The following EYA4 variants were observed in gnomAD, a reference collection of about 807,000 sequenced individuals.
EYA4 encodes EYA transcriptional coactivator and phosphatase 4, also known as protein phosphatase EYA4.
Under a neutral mutation model 87.9 loss-of-function variants are expected in EYA4, and 31 were observed. That is an observed-to-expected ratio of 0.35 (90% confidence interval 0.27 to 0.48). The LOEUF (loss-of-function observed/expected upper bound fraction) is 0.48, where lower values mean the gene tolerates loss of function less well. Among genes scored for constraint, EYA4 ranks in the 20% least tolerant of loss-of-function variants. The pLI, the probability that EYA4 is intolerant of heterozygous loss-of-function variation, is 0.99. For synonymous variants in EYA4, 263 were observed against 270.6 expected (o/e 0.97, Z 0.28); for missense variants, 678 against 761.4 (o/e 0.89, Z 1.29).
At chr6:133,244,812 G>A (rs935922699) in intron 1 of EYA4, among the ~76,000 whole-genome samples, 1 of 151,998 alleles carries the variant, frequency 6.6e-6, no homozygotes, top group African/African-American at 2.4e-5. Context: ...TATATGGCTT[G>A]ATATTTCATT....
Position 133,244,680 on chromosome 6 carries a change from T to A in EYA4, c.-66+2931T>A, listed in dbSNP as rs547183920. Among the ~76,000 whole-genome samples the A allele has an allele frequency of 3.3e-5, 5 of 151,928 alleles. No homozygotes were observed. The South Asian group carries it at 1.0e-3, about 32-fold the overall frequency. On this transcript the variant is annotated intron_variant, in intron 1 of 19. Coordinates refer to ENST00000355286, the MANE Select transcript of EYA4 (RefSeq NM_004100.5). ...CCATTTCTAAGAGTTTCCTTTTTAT[T>A]TATGTTGTACTTTGGGGTGTAAATA...
intron 3 of EYA4, among the ~76,000 whole-genome samples, chr6:133,397,775 G>T (rs915980164): frequency 6.6e-6 from 1 of 152,182 alleles, no homozygotes; most frequent in African/African-American, 2.4e-5. Context: ...TATGGCGGAA[G>T]GCAAAAGGCA....
intron 2 of EYA4, among the ~76,000 whole-genome samples, chr6:133,362,104 G>A (rs1486461728): frequency 6.6e-6 from 1 of 152,214 alleles, no homozygotes; most frequent in East Asian, 1.9e-4. Context: ...GAAGATGAAG[G>A]TGTGGGGTAT....
At chr6:133,444,063 C>A (rs931530369) in intron 3 of EYA4, among the ~76,000 whole-genome samples, 1 of 152,160 alleles carries the variant, frequency 6.6e-6, no homozygotes, top group African/African-American at 2.4e-5. Flanking sequence ...CTTTCCAAAT[C>A]TTACGTGTAT....
chr6:133,509,574 A>G (rs756411710), intron 14 of EYA4, among the ~76,000 whole-genome samples: 2 of 152,138 alleles, frequency 1.3e-5, no homozygotes, highest in Non-Finnish European at 2.9e-5. Context: ...CAGATGCCCA[A>G]ACTACCCTCC....
chr6:133,319,247 GAT>G (rs1780861268), intron 2 of EYA4, among the ~76,000 whole-genome samples: 1 of 152,238 alleles, frequency 6.6e-6, no homozygotes, highest in South Asian at 2.1e-4. Context: ...GCTTTTAAAA[GAT>G]AGAGAATTTC....
At chr6:133,443,692 A>G (rs186740857) in intron 3 of EYA4, among the ~76,000 whole-genome samples, 5 of 152,258 alleles carry the variant, frequency 3.3e-5, no homozygotes, top group Admixed American at 3.3e-4. Flanking sequence ...CTTTATTTAC[A>G]TACCACAGTT....
intron 5 of EYA4, among the ~76,000 whole-genome samples, chr6:133,456,065 A>G (rs1478834131): frequency 6.6e-6 from 1 of 152,096 alleles, no homozygotes; most frequent in Non-Finnish European, 1.5e-5. Flanking sequence ...TTAGAGCTTC[A>G]TTGAGTGCTT....
chr6:133,432,581 C>A lies in EYA4; in HGVS notation c.84-14049C>A, dbSNP rs187539511. On this transcript the variant is annotated intron_variant, in intron 3 of 19. Coordinates refer to ENST00000355286, the MANE Select transcript of EYA4 (RefSeq NM_004100.5). ...CTGACATCTCCTGACACTGCTGTTA[C>A]ATGAATCGTACACAACTTCAACCAT... 1.4e-4 allele frequency among the ~76,000 whole-genome samples: 22 copies of A among 151,826 alleles called. No homozygotes were observed. The East Asian group carries it at 3.9e-3, about 27-fold the overall frequency.
intron 3 of EYA4, among the ~76,000 whole-genome samples, chr6:133,411,335 G>C (rs1362772875): frequency 6.6e-6 from 1 of 152,068 alleles, no homozygotes; most frequent in East Asian, 1.9e-4. Context: ...TATTACTTGT[G>C]TTATAGAGCA....
intron 2 of EYA4, among the ~76,000 whole-genome samples, chr6:133,316,231 G>T (rs1269835798): frequency 6.6e-6 from 1 of 152,008 alleles, no homozygotes; most frequent in East Asian, 1.9e-4. Flanking sequence ...CCTATTTAGA[G>T]ATTTCTTTGA....
At chr6:133,449,971 C>T (rs1793259715) in intron 5 of EYA4, among the ~76,000 whole-genome samples, 3 of 151,838 alleles carry the variant, frequency 2.0e-5, no homozygotes, top group Non-Finnish European at 4.4e-5. Context: ...TTATATGAAA[C>T]TTTTAATGAA....
Position 133,485,932 on chromosome 6 carries a change from G to A in EYA4, c.1191+2817G>A, listed in dbSNP as rs1796646049. ...AGAAGCAATAGGGTGGTGGTGAAAG[G>A]CAAAAGCTTTTGAGTCAGATAAACT... On this transcript the variant is annotated intron_variant, in intron 13 of 19. Transcript: ENST00000355286. 2.0e-5 allele frequency among the ~76,000 whole-genome samples: 3 copies of A among 152,134 alleles called. No homozygotes were observed. In the South Asian group the frequency reaches 6.2e-4, roughly 32 times the overall value.
chr6:133,494,890 T>C (rs1462518088), intron 13 of EYA4, among the ~76,000 whole-genome samples: 1 of 152,110 alleles, frequency 6.6e-6, no homozygotes, highest in East Asian at 1.9e-4. Context: ...GGATTGTCTG[T>C]AACACAACAA....
chr6:133,351,929 A>C (rs1783671450), intron 2 of EYA4, among the ~76,000 whole-genome samples: 1 of 151,992 alleles, frequency 6.6e-6, no homozygotes, highest in African/African-American at 2.4e-5. Context: ...ACCCATCTAG[A>C]TCATAAGAAA....
chr6:133,402,359 A>T (rs763523199), intron 3 of EYA4, among the ~76,000 whole-genome samples: 1 of 152,174 alleles, frequency 6.6e-6, no homozygotes, highest in East Asian at 1.9e-4. Context: ...CACTTCTTAT[A>T]TTATCTTTAT....
intron 5 of EYA4, among the ~76,000 whole-genome samples, chr6:133,449,840 C>T (rs1562435370): frequency 6.6e-6 from 1 of 152,078 alleles, no homozygotes; most frequent in East Asian, 1.9e-4. Flanking sequence ...TAACAGACTC[C>T]ATTTGGTCAG....
intron 17 of EYA4, among the ~76,000 whole-genome samples, chr6:133,518,295 G>A (rs1006397057): frequency 6.6e-6 from 1 of 151,922 alleles, no homozygotes; most frequent in Non-Finnish European, 1.5e-5. Flanking sequence ...AAAGGAATAT[G>A]TGATATTCCA....
chr6:133,406,722 C>G lies in EYA4; in HGVS notation c.83+24281C>G, dbSNP rs530367366. On this transcript the variant is annotated intron_variant, in intron 3 of 19. Coordinates refer to ENST00000355286, the MANE Select transcript of EYA4 (RefSeq NM_004100.5). ...AAAGCTGTTAACAGGTTGTATAAAA[C>G]CTGTTTCTTATACTTTAACAAAATA... Among the ~76,000 whole-genome samples, 131 of 152,190 alleles carry G rather than the reference C, an allele frequency of 8.6e-4. 1 individual carries two copies. The highest frequency in any genetic ancestry group is 3.1e-3 in the African/African-American group (127 of 41,532).
Sources: allele counts gnomAD v4.1 joint callset (sites outside exome capture counted in the v4.1 genomes callset), GRCh38; gene constraint gnomAD v4.1.1; transcripts MANE v1.5; gene names NCBI Gene and HGNC (gene_info 2026-07-23, HGNC 2026-07-21).